EXOC4: variants seen among roughly 807,000 people sequenced by gnomAD.
The protein encoded by EXOC4 is SEC8-like 1.
A neutral mutation model predicts 107.2 loss-of-function variants in EXOC4; 71 were observed. The ratio of observed to expected loss-of-function variants is 0.66; its 90% CI spans 0.55 to 0.81. The LOEUF (loss-of-function observed/expected upper bound fraction) is 0.81. EXOC4 is among the 30% of genes least tolerant of loss of function. The pLI is 0.00. For missense variants in EXOC4, 1,108 were observed against 1,189.6 expected, an observed-to-expected ratio of 0.93 and a Z score of 1.01; for synonymous variants, 456 against 441.2, an observed-to-expected ratio of 1.03 and a Z score of -0.42.
At chr7:133,916,982 T>C (rs955657501) in intron 12 of EXOC4, among the ~76,000 whole-genome samples, 9 of 152,214 alleles carry the variant, frequency 5.9e-5, no homozygotes, top group Admixed American at 5.9e-4. Flanking sequence ...ACTTGAAGCC[T>C]GTCAGCTCTA....
chr7:133,372,032 C>T, intron 6 of EXOC4, among the ~76,000 whole-genome samples: 1 of 152,138 alleles, frequency 6.6e-6, no homozygotes, highest in East Asian at 1.9e-4. Flanking sequence ...CATATATTTT[C>T]TTTGGAGCAA....
intron 11 of EXOC4, among the ~76,000 whole-genome samples, chr7:133,850,326 T>C (rs1453060018): frequency 6.6e-5 from 10 of 152,206 alleles, no homozygotes; most frequent in Non-Finnish European, 1.0e-4. Flanking sequence ...TCCCAAAATA[T>C]ATTCCTTGGG....
At chr7:134,018,166 A>G (rs1436643203) in intron 17 of EXOC4, among the ~76,000 whole-genome samples, 10 of 152,196 alleles carry the variant, frequency 6.6e-5, no homozygotes, top group African/African-American at 2.4e-4. Context: ...TGTACTGAAA[A>G]GATATTAAGC....
At chr7:133,763,789 A>T (rs527489651) in intron 10 of EXOC4, among the ~76,000 whole-genome samples, 43 of 151,914 alleles carry the variant, frequency 2.8e-4, no homozygotes, top group African/African-American at 9.9e-4. Flanking sequence ...TTTTTAATTT[A>T]CTAGGGAAAC....
chr7:133,489,435 G>A (rs1584955169), intron 9 of EXOC4, among the ~76,000 whole-genome samples: 1 of 152,156 alleles, frequency 6.6e-6, no homozygotes, highest in East Asian at 1.9e-4. Context: ...AACAAATGTG[G>A]AGTTTTCTGG....
intron 9 of EXOC4, among the ~76,000 whole-genome samples, chr7:133,517,993 G>A (rs758556585): frequency 6.6e-6 from 1 of 151,776 alleles, no homozygotes; most frequent in Non-Finnish European, 1.5e-5. Flanking sequence ...GGACTGGCTC[G>A]ATTAGGGTTG....
chr7:134,084,709 TAAA>T, the EXOC4 span, among the ~76,000 whole-genome samples: 113 of 83,148 alleles, frequency 1.4e-3, 1 homozygote, highest in African/African-American at 5.0e-3. Context: ...GGTGCAGCCG[TAAA>T]AAAAAAAAAA....
intron 14 of EXOC4, among the ~76,000 whole-genome samples, chr7:133,951,981 C>T (rs1193252562): frequency 1.3e-5 from 2 of 152,142 alleles, no homozygotes; most frequent in Non-Finnish European, 2.9e-5. Flanking sequence ...CATGGTGAAA[C>T]CCCATCTCTA....
intron 14 of EXOC4, among the ~76,000 whole-genome samples, chr7:133,985,147 A>G (rs763699413): frequency 3.9e-5 from 6 of 152,198 alleles, no homozygotes; most frequent in Non-Finnish European, 8.8e-5. Flanking sequence ...GAAGCATTCT[A>G]AGAAACACTA....
At chr7:133,880,268 A>C (rs992518554) in intron 11 of EXOC4, among the ~76,000 whole-genome samples, 1 of 152,200 alleles carries the variant, frequency 6.6e-6, no homozygotes, top group Admixed American at 6.5e-5. Flanking sequence ...AGAAAAGCCC[A>C]TGCTTTTTAC....
chr7:133,353,606 C>G (rs533374032), intron 5 of EXOC4, among the ~76,000 whole-genome samples: 127 of 152,202 alleles, frequency 8.3e-4, no homozygotes, highest in Non-Finnish European at 1.4e-3. Flanking sequence ...TTTAATGTGT[C>G]ATGGTGTAGG....
intron 10 of EXOC4, among the ~76,000 whole-genome samples, chr7:133,773,112 G>A (rs1796277669): frequency 6.6e-6 from 1 of 151,968 alleles, no homozygotes; most frequent in South Asian, 2.1e-4. Context: ...GAGCTTGTAA[G>A]TGCCTCCTAA....
At chr7:133,980,740 C>G (rs1793961590) in intron 14 of EXOC4, among the ~76,000 whole-genome samples, 1 of 152,162 alleles carries the variant, frequency 6.6e-6, no homozygotes, top group East Asian at 1.9e-4. Context: ...GGCATAAACA[C>G]AGATTGATTA....
At chr7:133,425,257 TTGAA>T in intron 7 of EXOC4, among the ~76,000 whole-genome samples, 1 of 152,140 alleles carries the variant, frequency 6.6e-6, no homozygotes, top group East Asian at 1.9e-4. Context: ...CCCAAGTCAT[TTGAA>T]TGGACTTCCT....
chr7:133,629,517 G>A (rs748265781), intron 9 of EXOC4, among the ~76,000 whole-genome samples: 29 of 95,084 alleles, frequency 3.0e-4, no homozygotes, highest in Non-Finnish European at 5.3e-4. Flanking sequence ...TAAAAGTGCT[G>A]TTTTTTGTTT....
chr7:133,840,222 G>T (rs1352651339), intron 11 of EXOC4, among the ~76,000 whole-genome samples: 1 of 152,170 alleles, frequency 6.6e-6, no homozygotes, highest in Admixed American at 6.5e-5. Context: ...AGAGTGAATG[G>T]ATGTACTGCA....
intron 9 of EXOC4, among the ~76,000 whole-genome samples, chr7:133,540,655 T>G (rs17598544): frequency 0.06 from 9,107 of 152,274 alleles, 379 homozygotes; most frequent in Middle Eastern, 0.13. Context: ...TGTTATGCCT[T>G]CCTTATTCAA....
chr7:133,403,645 A>G (rs774359951), intron 7 of EXOC4, among the ~76,000 whole-genome samples: 9 of 152,086 alleles, frequency 5.9e-5, no homozygotes, highest in African/African-American at 2.2e-4. Flanking sequence ...AAAGCCCCAC[A>G]TTGGCTGGGT....
At chr7:133,827,088 T>C (rs1797720788) in intron 11 of EXOC4, among the ~76,000 whole-genome samples, 1 of 152,234 alleles carries the variant, frequency 6.6e-6, no homozygotes, top group South Asian at 2.1e-4. Context: ...CAAAAGAGTA[T>C]TTATTTTCTA....
Sources: allele counts gnomAD v4.1 joint callset (sites outside exome capture counted in the v4.1 genomes callset), GRCh38; gene constraint gnomAD v4.1.1; transcripts MANE v1.5; gene names NCBI Gene and HGNC (gene_info 2026-07-23, HGNC 2026-07-21).